ADAT2: variants seen among roughly 807,000 people sequenced by gnomAD.
ADAT2 encodes adenosine deaminase tRNA specific 2.
A neutral mutation model predicts 25.9 loss-of-function variants in ADAT2; 26 were observed. The ratio of observed to expected loss-of-function variants is 1.00; its 90% CI spans 0.74 to 1.39. ADAT2 has a LOEUF of 1.39. Among genes scored for constraint, ADAT2 ranks in the 40% most tolerant of loss-of-function variants. ADAT2 has a pLI of 0.00. For synonymous variants in ADAT2, 76 were observed against 86.8 expected (o/e 0.88, Z 0.69); for missense variants, 220 against 244.8 (o/e 0.90, Z 0.68).
In ADAT2 at chr6:143,424,273, G is replaced by A. The variant is rs1437125970; in HGVS notation, c.*4190C>T. The A allele has an allele frequency of 1.3e-5, 2 of 152,182 alleles. No homozygotes were observed. The highest frequency in any genetic ancestry group is 4.8e-5 in the African/African-American group (2 of 41,442). The allele number at this position is 152,182 out of a possible 1,614,324, so 9.4% of individuals were successfully genotyped here. A position where few individuals can be genotyped will look rare whatever the true frequency, so the allele number is the denominator to read the frequency against. On this transcript the variant is annotated 3_prime_UTR_variant, in exon 6 of 6. Coordinates refer to ENST00000237283, the MANE Select transcript of ADAT2 (RefSeq NM_182503.3). This position sits in a 1 kb window ranked among gnomAD's most constrained non-coding sequence, Gnocchi z 4.8. ...CCAAAAGGCAGAGAAACCAATTCCT[G>A]GTGTCTGGTTTCCCTGGGGCTATAA...
Position 143,436,599 on chromosome 6 carries a change from T to C in ADAT2, c.201+1991A>G, listed in dbSNP as rs570700856. On this transcript the variant is annotated intron_variant, in intron 2 of 5. Transcript: ENST00000237283. The surrounding 1 kb of genome is among the most constrained non-coding windows in gnomAD (Gnocchi z 4.1). ...AGGGCAAGAATGAGATGGAATTCAC[T>C]GGGGCCGAGAGCAACATGAATGACC... The C allele has an allele frequency of 4.9e-6, 2 of 410,752 alleles. No individual in the cohort carries two copies. The highest frequency in any genetic ancestry group is 7.4e-5 in the East Asian group (1 of 13,536). 25.4% of individuals were successfully genotyped at this position (410,752 alleles called of 1,614,324 possible).
chr6:143,446,312 TG>T lies in ADAT2; in HGVS notation c.96+4250del, dbSNP rs930391952. 5.3e-4 allele frequency among the ~76,000 whole-genome samples: 80 copies of T among 152,214 alleles called. No individual in the cohort carries two copies. Among genetic ancestry groups the T allele is most frequent in the African/African-American group, 1.8e-3 (74 of 41,460 alleles). The stretch of plus-strand genomic sequence containing the variant: ...GTAATATTTTTTCATCACATGATTT[TG>T]TAAAGGTTGTACAGTATTTCTCCTT... On this transcript the variant is annotated intron_variant, in intron 1 of 5. Coordinates refer to ENST00000237283, the MANE Select transcript of ADAT2 (RefSeq NM_182503.3). The surrounding 1 kb of genome is among the most constrained non-coding windows in gnomAD (Gnocchi z 5.0).
intron 1 of ADAT2, chr6:143,449,772 A>G (rs1779706175): frequency 6.6e-6 from 1 of 152,202 alleles, no homozygotes; most frequent in Non-Finnish European, 1.5e-5. Context: ...AGGTAGCGAA[A>G]GTGTTTAGCC....
chr6:143,448,975 T>C (rs940024153), intron 1 of ADAT2, among the ~76,000 whole-genome samples: 3 of 152,240 alleles, frequency 2.0e-5, no homozygotes, highest in Non-Finnish European at 4.4e-5. Flanking sequence ...ATATAAATTA[T>C]ATGCTACGGT....
chr6:143,440,376 A>G lies in ADAT2; in HGVS notation c.97-1682T>C, dbSNP rs1779422794. The stretch of plus-strand genomic sequence containing the variant: ...TTAACTAGTGACAACTTCCTATTAT[A>G]AGGCATACAGGATTTCCTCAGTTAT... On this transcript the variant is annotated intron_variant, in intron 1 of 5. Coordinates refer to ENST00000237283, the MANE Select transcript of ADAT2 (RefSeq NM_182503.3). This position sits in a 1 kb window ranked among gnomAD's most constrained non-coding sequence, Gnocchi z 4.5. 6.6e-6 allele frequency among the ~76,000 whole-genome samples: 1 copy of G among 152,202 alleles called. No homozygotes were observed. The highest frequency in any genetic ancestry group is 2.1e-4 in the South Asian group (1 of 4,816).
In ADAT2 at chr6:143,428,209, T is replaced by C. The variant is rs1462941707; in HGVS notation, c.*254A>G. 2.2e-5 allele frequency: 12 copies of C among 536,544 alleles called. No homozygotes were observed. The highest frequency in any genetic ancestry group is 3.6e-5 in the Non-Finnish European group (11 of 303,916). The allele number at this position is 536,544 out of a possible 1,614,324, so 33.2% of individuals were successfully genotyped here. A position where few individuals can be genotyped will look rare whatever the true frequency, so the allele number is the denominator to read the frequency against. ...AGGGTATGCACTACTTGCTAATTTC[T>C]AAAACCTCAAACCTTAATTTTCCCC... On this transcript the variant is annotated 3_prime_UTR_variant, in exon 6 of 6. Coordinates refer to ENST00000237283, the MANE Select transcript of ADAT2 (RefSeq NM_182503.3). The surrounding 1 kb of genome is among the most constrained non-coding windows in gnomAD (Gnocchi z 5.0).
Position 143,424,413 on chromosome 6 carries a change from C to T in ADAT2, c.*4050G>A, listed in dbSNP as rs544504358. On this transcript the variant is annotated 3_prime_UTR_variant, in exon 6 of 6. Coordinates refer to ENST00000237283, the MANE Select transcript of ADAT2 (RefSeq NM_182503.3). The surrounding 1 kb of genome is among the most constrained non-coding windows in gnomAD (Gnocchi z 4.8). Reference sequence around the variant, plus strand: ...TAAGTAATTTTTTCAAGAGCTTTGGCTTTTGCTATTTTTACTGACATTTTG... The same window carrying T: ...TAAGTAATTTTTTCAAGAGCTTTGGTTTTTGCTATTTTTACTGACATTTTG... The T allele has an allele frequency of 6.6e-6, 1 of 152,236 alleles. No homozygotes were observed. The highest frequency in any genetic ancestry group is 2.1e-4 in the South Asian group (1 of 4,820). 9.4% of individuals were successfully genotyped at this position (152,236 alleles called of 1,614,324 possible).
rs1275042305 is a variant in ADAT2, at chr6:143,434,275, G to A, written c.202-294C>T. Among the ~76,000 whole-genome samples, 1 of 152,132 alleles carries A rather than the reference G, an allele frequency of 6.6e-6. No individual in the cohort carries two copies. Among genetic ancestry groups the A allele is most frequent in the Non-Finnish European group, 1.5e-5 (1 of 68,014 alleles). On this transcript the variant is annotated intron_variant, in intron 2 of 5. Coordinates refer to ENST00000237283, the MANE Select transcript of ADAT2 (RefSeq NM_182503.3). This position sits in a 1 kb window ranked among gnomAD's most constrained non-coding sequence, Gnocchi z 4.5. ...AATTAAAATGCCATGGAGAAGGTAA[G>A]TCTAAAAAACAAAGAAAAAAAGATA...
At position 143,444,522 on chromosome 6, in the gene ADAT2, A is replaced by G. The variant is rs960368100; in HGVS notation, c.97-5828T>C. On this transcript the variant is annotated intron_variant, in intron 1 of 5. Coordinates refer to ENST00000237283, the MANE Select transcript of ADAT2 (RefSeq NM_182503.3). The surrounding 1 kb of genome is among the most constrained non-coding windows in gnomAD (Gnocchi z 4.3). ...ACTTTCAAACTCTCCCAACAACTCT[A>G]CTGTCAAGTCTGATCACTTCTTCAC... 1 of 153,030 alleles carries G rather than the reference A, an allele frequency of 6.5e-6. No homozygotes were observed. Among genetic ancestry groups the G allele is most frequent in the Non-Finnish European group, 1.5e-5 (1 of 68,658 alleles). The allele number at this position is 153,030 out of a possible 1,614,324, so 9.5% of individuals were successfully genotyped here.
At chr6:143,445,067 G>A in intron 1 of ADAT2, 2 of 607,200 alleles carry the variant, frequency 3.3e-6, no homozygotes, top group East Asian at 8.1e-5. Context: ...AACTGTTTCT[G>A]CTAATTACTC....
At position 143,446,198 on chromosome 6, in the gene ADAT2, A is replaced by T. The variant is rs1312360629; in HGVS notation, c.96+4365T>A. Among the ~76,000 whole-genome samples, 2 of 152,076 alleles carry T rather than the reference A, an allele frequency of 1.3e-5. No homozygotes were observed. The highest frequency in any genetic ancestry group is 2.9e-5 in the Non-Finnish European group (2 of 68,014). ...CTGCATACACATATTTACAGTTTTT[A>T]AAAAGTCAAATAGATTTACACTGTA... On this transcript the variant is annotated intron_variant, in intron 1 of 5. Transcript: ENST00000237283. This position sits in a 1 kb window ranked among gnomAD's most constrained non-coding sequence, Gnocchi z 5.0.
rs1013632826 is a variant in ADAT2 at position 143,442,262 on chromosome 6, G to A, written c.97-3568C>T. Among the ~76,000 whole-genome samples, 1 of 152,120 alleles carries A rather than the reference G, an allele frequency of 6.6e-6. No homozygotes were observed. The highest frequency in any genetic ancestry group is 2.1e-4 in the South Asian group (1 of 4,832). The stretch of plus-strand genomic sequence containing the variant: ...GAACTATCGATAATCTCAACAACTT[G>A]GATGGATCTCATGGGAATCATGCTG... On this transcript the variant is annotated intron_variant, in intron 1 of 5. Transcript: ENST00000237283. The surrounding 1 kb of genome is among the most constrained non-coding windows in gnomAD (Gnocchi z 4.6).
At chr6:143,438,875 T>C (rs1583983166) in intron 1 of ADAT2, among the ~76,000 whole-genome samples, 181 bp from the exon 2 acceptor site, 2 of 152,232 alleles carry the variant, frequency 1.3e-5, no homozygotes, top group South Asian at 2.1e-4. Context: ...CTGTGTTGTG[T>C]CCATGTTAAG....
Position 143,440,012 on chromosome 6 carries a change from T to C in ADAT2, c.97-1318A>G, listed in dbSNP as rs1008995356. Among the ~76,000 whole-genome samples the C allele has an allele frequency of 2.0e-5, 3 of 152,192 alleles. No individual in the cohort carries two copies. The highest frequency in any genetic ancestry group is 7.2e-5 in the African/African-American group (3 of 41,446). On this transcript the variant is annotated intron_variant, in intron 1 of 5. Coordinates refer to ENST00000237283, the MANE Select transcript of ADAT2 (RefSeq NM_182503.3). The surrounding 1 kb of genome is among the most constrained non-coding windows in gnomAD (Gnocchi z 4.5). The stretch of plus-strand genomic sequence containing the variant: ...CTCTGGGCCCTAGGAAAATTAACTC[T>C]ACCTTCAGGCGGAGAGCTTAAGCAG...
At chr6:143,449,770 A>G (rs187647038) in intron 1 of ADAT2, 45 of 152,288 alleles carry the variant, frequency 3.0e-4, no homozygotes, top group African/African-American at 1.1e-3. Flanking sequence ...AAAGGTAGCG[A>G]AAGTGTTTAG....
intron 1 of ADAT2, chr6:143,441,668 G>C (rs1185224769): frequency 6.6e-6 from 1 of 152,172 alleles, no homozygotes; most frequent in Non-Finnish European, 1.5e-5. Flanking sequence ...ACCAGGCCCT[G>C]CTACTAATAC....
rs1410196068 is a variant in ADAT2 at position 143,437,065 on chromosome 6, A to AT, written c.201+1524dup. Among the ~76,000 whole-genome samples the AT allele has an allele frequency of 1.4e-5, 2 of 141,112 alleles. No homozygotes were observed. Among genetic ancestry groups the AT allele is most frequent in the Non-Finnish European group, 3.3e-5 (2 of 61,526 alleles). The allele number at this position is 141,112 out of a possible 152,430, so 92.6% of individuals were successfully genotyped here. A position where few individuals can be genotyped will look rare whatever the true frequency, so the allele number is the denominator to read the frequency against. ...TCTACTATTTTTCATAAGCAAATTG[A>AT]TAAAAAAGTTTTTTTGGGGGGCTGA... On this transcript the variant is annotated intron_variant, in intron 2 of 5. Coordinates refer to ENST00000237283, the MANE Select transcript of ADAT2 (RefSeq NM_182503.3). This position sits in a 1 kb window ranked among gnomAD's most constrained non-coding sequence, Gnocchi z 4.1.
In ADAT2 at chr6:143,442,508, C is replaced by A. The variant is rs988233700; in HGVS notation, c.97-3814G>T. Among the ~76,000 whole-genome samples the A allele has an allele frequency of 6.6e-6, 1 of 151,660 alleles. No homozygotes were observed. Among genetic ancestry groups the A allele is most frequent in the African/African-American group, 2.4e-5 (1 of 41,240 alleles). On this transcript the variant is annotated intron_variant, in intron 1 of 5. Transcript: ENST00000237283. This position sits in a 1 kb window ranked among gnomAD's most constrained non-coding sequence, Gnocchi z 4.6. Reference sequence around the variant, plus strand: ...ACACACACACACACACACACACACACACGTACAAATAAAACTGATGACATC... The same window carrying A: ...ACACACACACACACACACACACACAAACGTACAAATAAAACTGATGACATC...
intron 4 of ADAT2, among the ~76,000 whole-genome samples, chr6:143,431,247 G>A (rs149377200): frequency 6.6e-6 from 1 of 152,370 alleles, no homozygotes; most frequent in Non-Finnish European, 1.5e-5. Flanking sequence ...TGGTTCTGCT[G>A]CATCGACTAC....
Sources: allele counts gnomAD v4.1 joint callset (sites outside exome capture counted in the v4.1 genomes callset), GRCh38; gene constraint gnomAD v4.1.1; non-coding constraint Gnocchi (gnomAD v3.1); transcripts MANE v1.5; gene names NCBI Gene and HGNC (gene_info 2026-07-23, HGNC 2026-07-21).